UCK2: variants seen among roughly 807,000 people sequenced by gnomAD.
UCK2 encodes cytidine monophosphokinase 2.
Under a neutral mutation model 30.8 loss-of-function variants are expected in UCK2, and 6 were observed. The observed-to-expected ratio is 0.19, with a 90% CI of 0.11 to 0.38. The LOEUF (loss-of-function observed/expected upper bound fraction) is 0.38, where lower values mean the gene tolerates loss of function less well. Ranked by LOEUF, UCK2 falls within the 10% of genes least tolerant of loss-of-function variation. The pLI, the probability that UCK2 is intolerant of heterozygous loss-of-function variation, is 1.00. For missense variants in UCK2, 210 were observed against 339.8 expected, an observed-to-expected ratio of 0.62 and a Z score of 3.00; for synonymous variants, 125 against 133.6, an observed-to-expected ratio of 0.94 and a Z score of 0.45.
chr1:165,896,473 CGGCTGCGTCAGTCCAGCCCCA>C (rs1553200707), intron 4 of UCK2, 141 bp downstream of exon 4: 2 of 930,794 alleles, frequency 2.1e-6, no homozygotes, highest in Non-Finnish European at 3.3e-6. Context: ...TGGTCCAGCC[CGGCTGCGTCAGTCCAGCCCCA>C]GGATATCCTG....
chr1:165,865,545 ATTTC>A (rs1296964602), intron 1 of UCK2, among the ~76,000 whole-genome samples: 2 of 151,924 alleles, frequency 1.3e-5, no homozygotes, highest in Non-Finnish European at 2.9e-5. Context: ...ATTCAATCAT[ATTTC>A]TTTCTTTTTT....
rs537280911 is a variant in UCK2, at chr1:165,880,871, TG to T, written c.100-9332del. On this transcript the variant is annotated intron_variant, in intron 1 of 6. Coordinates refer to ENST00000367879, the MANE Select transcript of UCK2 (RefSeq NM_012474.5). Reference sequence around the variant, plus strand: ...CAGTGTAGATACCTCTCTGCCTTTTTGTTTAAGATGATGTAGCAGGCTGGGC... The same window carrying T: ...CAGTGTAGATACCTCTCTGCCTTTTTTTTAAGATGATGTAGCAGGCTGGGC... Among the ~76,000 whole-genome samples, 3 of 151,912 alleles carry T rather than the reference TG, an allele frequency of 2.0e-5. No homozygotes were observed. The East Asian group carries it at 5.8e-4, about 30-fold the overall frequency.
intron 1 of UCK2, among the ~76,000 whole-genome samples, chr1:165,873,317 G>C (rs1655250032): frequency 6.6e-6 from 1 of 152,208 alleles, no homozygotes; most frequent in South Asian, 2.1e-4. Flanking sequence ...TGCCCACATA[G>C]GGAGGGAAGA....
chr1:165,877,502 A>G (rs991511552), intron 1 of UCK2, among the ~76,000 whole-genome samples: 1 of 152,182 alleles, frequency 6.6e-6, no homozygotes, highest in African/African-American at 2.4e-5. Flanking sequence ...ACAATTTTAT[A>G]CAAATATAAC....
chr1:165,900,909 T>C (rs1279113087), intron 4 of UCK2, among the ~76,000 whole-genome samples: 1 of 152,244 alleles, frequency 6.6e-6, no homozygotes, highest in Non-Finnish European at 1.5e-5. Flanking sequence ...GTTTTTTCCC[T>C]AGCTCTGATA....
At chr1:165,841,928 T>C (rs1473958860) in intron 1 of UCK2, among the ~76,000 whole-genome samples, 1 of 152,170 alleles carries the variant, frequency 6.6e-6, no homozygotes, top group African/African-American at 2.4e-5. Flanking sequence ...TTGTTGAAAG[T>C]ATGCTAAATA....
intron 1 of UCK2, among the ~76,000 whole-genome samples, chr1:165,835,476 C>T (rs752878886): frequency 6.6e-6 from 1 of 152,048 alleles, no homozygotes; most frequent in African/African-American, 2.4e-5. Flanking sequence ...GCTGGGACTA[C>T]AGGCAAGAGC....
chr1:165,905,798 TAAAAGG>T (rs1647639761), intron 5 of UCK2, 117 bp from the exon 6 acceptor site: 6 of 738,908 alleles, frequency 8.1e-6, no homozygotes, highest in Non-Finnish European at 1.4e-5. Flanking sequence ...TTTGAAGCCT[TAAAAGG>T]TGCTCTTCTG....
rs766189675 is a variant in UCK2 at position 165,827,833 on chromosome 1, C to A, written c.-1C>A. On this transcript the variant is annotated 5_prime_UTR_variant, in exon 1 of 7. Transcript: ENST00000367879. Reference sequence around the variant, plus strand: ...CAGCGGGAGGAGGGGCGGCGCGAACCATGGCCGGGGACAGCGAGCAGACCC... The same window carrying A: ...CAGCGGGAGGAGGGGCGGCGCGAACAATGGCCGGGGACAGCGAGCAGACCC... The A allele has an allele frequency of 6.9e-7, 1 of 1,447,872 alleles. No homozygotes were observed. The highest frequency in any genetic ancestry group is 9.2e-7 in the Non-Finnish European group (1 of 1,091,710). 89.7% of individuals were successfully genotyped at this position (1,447,872 alleles called of 1,614,324 possible).
intron 1 of UCK2, among the ~76,000 whole-genome samples, chr1:165,844,476 C>T (rs1654400095): frequency 6.6e-6 from 1 of 152,196 alleles, no homozygotes; most frequent in South Asian, 2.1e-4. Flanking sequence ...ACAGAGCACC[C>T]TCAAACCTTT....
intron 1 of UCK2, among the ~76,000 whole-genome samples, chr1:165,868,534 G>A (rs1222567662): frequency 2.0e-5 from 3 of 152,170 alleles, no homozygotes; most frequent in Non-Finnish European, 4.4e-5. Flanking sequence ...AGCACTTGCC[G>A]CTTCATCTAG....
At chr1:165,850,987 C>T (rs1334643920) in intron 1 of UCK2, among the ~76,000 whole-genome samples, 1 of 134,562 alleles carries the variant, frequency 7.4e-6, no homozygotes, top group Non-Finnish European at 1.5e-5. Flanking sequence ...GTTGCTTGGA[C>T]TCCTGGGCTC....
Position 165,903,246 on chromosome 1 carries a change from C to T in UCK2, c.564C>T (p.Phe188=), listed in dbSNP as rs1296070715. Reference sequence around the variant, plus strand: ...AGATTTTATCTCAGTACATTACGTTCGTCAAGCCTGCCTTTGAGGAATTCT... The same window carrying T: ...AGATTTTATCTCAGTACATTACGTTTGTCAAGCCTGCCTTTGAGGAATTCT... ...LEQILSQYIT[F]VKPAFEEFCL... Residue 188 remains phenylalanine, a synonymous_variant, in exon 5 of 7, where the codon TTC becomes TTT. Transcript: ENST00000367879. 8 of 1,614,022 alleles carry T rather than the reference C, an allele frequency of 5.0e-6. No individual in the cohort carries two copies. Among genetic ancestry groups the T allele is most frequent in the South Asian group, 1.1e-5 (1 of 91,056 alleles).
At chr1:165,835,039 T>A (rs994346740) in intron 1 of UCK2, among the ~76,000 whole-genome samples, 1 of 152,180 alleles carries the variant, frequency 6.6e-6, no homozygotes, top group Non-Finnish European at 1.5e-5. Flanking sequence ...GAGCAAGGGC[T>A]GTTTTGTCAT....
chr1:165,894,883 T>A (rs1655855134), intron 3 of UCK2, among the ~76,000 whole-genome samples: 6 of 152,194 alleles, frequency 3.9e-5, no homozygotes. Context: ...CTTTGTTTTA[T>A]TTGGTTTGCC....
Position 165,896,341 on chromosome 1 carries a change from TA to T in UCK2, c.499+13del. 1 of 1,613,762 alleles carries T rather than the reference TA, an allele frequency of 6.2e-7. No individual in the cohort carries two copies. Among genetic ancestry groups the T allele is most frequent in the Non-Finnish European group, 8.5e-7 (1 of 1,179,980 alleles). Reference sequence around the variant, plus strand: ...CCGGCTCTCACGCAGAGGTGCGTTCTAAAAGCCTCAGGTGGCCCTGTTGGTG... The same window carrying T: ...CCGGCTCTCACGCAGAGGTGCGTTCTAAAGCCTCAGGTGGCCCTGTTGGTG... On this transcript the variant is annotated intron_variant, in intron 4 of 6. Coordinates refer to ENST00000367879, the MANE Select transcript of UCK2 (RefSeq NM_012474.5).
chr1:165,901,546 C>A lies in UCK2; in HGVS notation c.500-1636C>A, dbSNP rs112988192. Among the ~76,000 whole-genome samples, 335 of 152,232 alleles carry A rather than the reference C, an allele frequency of 2.2e-3. 2 individuals carry two copies. The East Asian group carries it at 0.027, about 12-fold the overall frequency. Reference sequence around the variant, plus strand: ...ATGTTCGTTTACAGTGAGTTTCACCCAACATTTGAGTCTATTTACTGAGAA... The same window carrying A: ...ATGTTCGTTTACAGTGAGTTTCACCAAACATTTGAGTCTATTTACTGAGAA... On this transcript the variant is annotated intron_variant, in intron 4 of 6. Transcript: ENST00000367879.
intron 1 of UCK2, among the ~76,000 whole-genome samples, chr1:165,874,132 T>G (rs1312591563): frequency 2.0e-5 from 3 of 152,052 alleles, no homozygotes; most frequent in Non-Finnish European, 4.4e-5. Context: ...CTACTTTTAT[T>G]TTAAAAACAA....
chr1:165,885,297 C>T (rs2101878683), intron 1 of UCK2: 1 of 398,166 alleles, frequency 2.5e-6, no homozygotes, highest in Non-Finnish European at 4.4e-6. Context: ...TTTCTAAGCT[C>T]CAGTTTCCTC....
Sources: allele counts gnomAD v4.1 joint callset (sites outside exome capture counted in the v4.1 genomes callset), GRCh38; gene constraint gnomAD v4.1.1; transcripts MANE v1.5; gene names NCBI Gene and HGNC (gene_info 2026-07-23, HGNC 2026-07-21).